TEAD1: variants seen among roughly 807,000 people sequenced by gnomAD.
TEAD1 encodes the protein TEA domain transcription factor 1.
In TEAD1, 9 loss-of-function variants were observed where a neutral mutation model predicts 54.9. The observed-to-expected ratio is 0.16, with a 90% CI of 0.10 to 0.29. The LOEUF (loss-of-function observed/expected upper bound fraction) is 0.29. Ranked by LOEUF, TEAD1 falls within the 10% of genes least tolerant of loss-of-function variation. The pLI is 1.00. For synonymous variants in TEAD1, 200 were observed against 187.8 expected, an observed-to-expected ratio of 1.07 and a Z score of -0.53; for missense variants, 387 against 535.9, an observed-to-expected ratio of 0.72 and a Z score of 2.74.
chr11:12,772,458 G>A (rs1044442137), intron 3 of TEAD1, among the ~76,000 whole-genome samples: 3 of 152,142 alleles, frequency 2.0e-5, no homozygotes, highest in African/African-American at 7.2e-5. Context: ...CCGAGAGGGG[G>A]CCTCATTGCT....
chr11:12,769,475 C>A (rs770290384), intron 3 of TEAD1, among the ~76,000 whole-genome samples: 4 of 152,178 alleles, frequency 2.6e-5, no homozygotes, highest in African/African-American at 9.6e-5. Context: ...AACCTGTGGT[C>A]GCTACACTCC....
At chr11:12,710,470 A>G (rs1943912762) in intron 2 of TEAD1, among the ~76,000 whole-genome samples, 1 of 152,248 alleles carries the variant, frequency 6.6e-6, no homozygotes, top group Middle Eastern at 3.2e-3. Flanking sequence ...AGTCAGGAGT[A>G]TAGTTATACC....
intron 6 of TEAD1, among the ~76,000 whole-genome samples, chr11:12,880,319 C>T (rs572288304): frequency 2.6e-4 from 39 of 152,346 alleles, no homozygotes; most frequent in African/African-American, 8.7e-4. Context: ...TAATCTCAAT[C>T]CTCCAGGTAA....
chr11:12,798,822 T>TTG (rs1324909308), intron 3 of TEAD1, among the ~76,000 whole-genome samples: 1 of 152,240 alleles, frequency 6.6e-6, no homozygotes, highest in African/African-American at 2.4e-5. Context: ...GTGATTGATG[T>TTG]TGGATGCCTT....
At chr11:12,774,749 A>G (rs892548339) in intron 3 of TEAD1, among the ~76,000 whole-genome samples, 26 of 152,320 alleles carry the variant, frequency 1.7e-4, no homozygotes, top group African/African-American at 5.8e-4. Flanking sequence ...AATTCTTAAA[A>G]TTAATGGTTT....
chr11:12,846,641 C>A (rs1947158479), intron 3 of TEAD1, among the ~76,000 whole-genome samples: 1 of 152,114 alleles, frequency 6.6e-6, no homozygotes, highest in Non-Finnish European at 1.5e-5. Flanking sequence ...TGTCTGACTT[C>A]CGTTTGTCCA....
chr11:12,769,758 G>A (rs1027508224), intron 3 of TEAD1, among the ~76,000 whole-genome samples: 1 of 152,152 alleles, frequency 6.6e-6, no homozygotes, highest in African/African-American at 2.4e-5. Flanking sequence ...TAATTGGTTA[G>A]AAGCGTGAAA....
chr11:12,735,674 A>G (rs1944517126), intron 2 of TEAD1, among the ~76,000 whole-genome samples: 3 of 151,400 alleles, frequency 2.0e-5, no homozygotes, highest in Admixed American at 2.0e-4. Flanking sequence ...ACCATGAGGC[A>G]TGTATCCCCT....
intron 3 of TEAD1, among the ~76,000 whole-genome samples, chr11:12,857,850 C>A (rs377106280): frequency 1.3e-5 from 2 of 151,942 alleles, no homozygotes; most frequent in Non-Finnish European, 2.9e-5. Context: ...TTTAGGAGGC[C>A]GAGGTGGGCG....
At chr11:12,730,948 C>T (rs955910846) in intron 2 of TEAD1, among the ~76,000 whole-genome samples, 13 of 151,866 alleles carry the variant, frequency 8.6e-5, no homozygotes, top group South Asian at 2.1e-4. Flanking sequence ...GTGATCCGCC[C>T]GCCTCGGCCT....
intron 3 of TEAD1, among the ~76,000 whole-genome samples, chr11:12,772,420 T>C (rs920910254): frequency 2.6e-5 from 4 of 152,194 alleles, no homozygotes; most frequent in Non-Finnish European, 2.9e-5. Flanking sequence ...TTTCCTCTGA[T>C]GCAGAATGGA....
At chr11:12,767,828 T>A (rs928313948) in intron 3 of TEAD1, among the ~76,000 whole-genome samples, 6 of 152,176 alleles carry the variant, frequency 3.9e-5, no homozygotes, top group African/African-American at 1.4e-4. Context: ...TGGGGCTCTC[T>A]CTTTCTCTGT....
At chr11:12,847,497 G>A (rs1298527246) in intron 3 of TEAD1, among the ~76,000 whole-genome samples, 1 of 148,930 alleles carries the variant, frequency 6.7e-6, no homozygotes, top group Non-Finnish European at 1.5e-5. Context: ...TGGTGGGGTG[G>A]GGGTGGGGGT....
chr11:12,694,369 T>G (rs1239038455), intron 2 of TEAD1, among the ~76,000 whole-genome samples: 2 of 151,922 alleles, frequency 1.3e-5, no homozygotes, highest in Non-Finnish European at 2.9e-5. Context: ...TCTCTTGCTT[T>G]TACTTGCAGT....
intron 2 of TEAD1, among the ~76,000 whole-genome samples, chr11:12,676,106 C>G (rs573951292): frequency 9.9e-4 from 151 of 152,252 alleles, no homozygotes; most frequent in Non-Finnish European, 1.2e-3. Context: ...GGAAGGAGCC[C>G]AGGTCTTGGG....
chr11:12,936,950 G>A (rs1249944227), intron 12 of TEAD1, among the ~76,000 whole-genome samples, 159 bp from the exon 13 acceptor site: 3 of 152,188 alleles, frequency 2.0e-5, no homozygotes, highest in Non-Finnish European at 4.4e-5. Flanking sequence ...GGTCATAGTT[G>A]TAGTGTTCTG....
intron 2 of TEAD1, among the ~76,000 whole-genome samples, chr11:12,742,438 G>A (rs1255965923): frequency 6.6e-6 from 1 of 152,142 alleles, no homozygotes; most frequent in Non-Finnish European, 1.5e-5. Context: ...TTTTGGGGGT[G>A]AGAGGGTGGG....
intron 3 of TEAD1, among the ~76,000 whole-genome samples, chr11:12,797,201 T>C (rs571872728): frequency 6.6e-6 from 1 of 152,364 alleles, no homozygotes; most frequent in Admixed American, 6.5e-5. Context: ...TCTTAACTTT[T>C]AATTCTTCAA....
chr11:12,719,968 T>TGGTGGGGACC (rs1564917617), intron 2 of TEAD1, among the ~76,000 whole-genome samples: 3 of 61,326 alleles, frequency 4.9e-5, no homozygotes, highest in South Asian at 6.6e-4. Flanking sequence ...TTTTTTTTTT[T>TGGTGGGGACC]TTTTTTTTTT....
Sources: allele counts gnomAD v4.1 joint callset (sites outside exome capture counted in the v4.1 genomes callset), GRCh38; gene constraint gnomAD v4.1.1; transcripts MANE v1.5; gene names NCBI Gene and HGNC (gene_info 2026-07-23, HGNC 2026-07-21).